WDTC1: variants seen among roughly 807,000 people sequenced by gnomAD.
The protein encoded by WDTC1 is WD and tetratricopeptide repeats protein 1.
A neutral mutation model predicts 76.0 loss-of-function variants in WDTC1; 12 were observed. The observed-to-expected ratio is 0.16, with a 90% CI of 0.10 to 0.26. The LOEUF is 0.26. WDTC1 is among the 10% of genes least tolerant of loss of function. The probability of loss-of-function intolerance (pLI) is 1.00; values close to 1 mark genes in which losing one functional copy is unlikely to be tolerated. For synonymous variants in WDTC1, 326 were observed against 350.8 expected (o/e 0.93, Z 0.79); for missense variants, 511 against 908.8 (o/e 0.56, Z 5.63).
chr1:27,289,822 A>G (rs2013479980), intron 6 of WDTC1, among the ~76,000 whole-genome samples: 1 of 152,120 alleles, frequency 6.6e-6, no homozygotes, highest in Non-Finnish European at 1.5e-5. Context: ...GTCTCCACCA[A>G]AAAAATACGA....
At chr1:27,300,855 G>A (rs1290608037) in intron 12 of WDTC1, among the ~76,000 whole-genome samples, 1 of 152,200 alleles carries the variant, frequency 6.6e-6, no homozygotes, top group Admixed American at 6.5e-5. Context: ...TTGAGAAGGT[G>A]GATGGGGGAA....
intron 5 of WDTC1, among the ~76,000 whole-genome samples, 182 bp downstream of exon 5, chr1:27,283,631 C>T (rs1008193816): frequency 6.6e-6 from 1 of 152,162 alleles, no homozygotes; most frequent in African/African-American, 2.4e-5. Flanking sequence ...TGTTCTTCTT[C>T]CTCTTTTAGA....
chr1:27,300,174 C>T (rs1004182269), intron 12 of WDTC1, among the ~76,000 whole-genome samples: 4 of 152,174 alleles, frequency 2.6e-5, no homozygotes, highest in Non-Finnish European at 4.4e-5. Context: ...CTGAGTGCTG[C>T]AGAAGGAGGC....
intron 9 of WDTC1, among the ~76,000 whole-genome samples, chr1:27,296,118 C>A (rs2147984060): frequency 6.6e-6 from 1 of 152,246 alleles, no homozygotes; most frequent in African/African-American, 2.4e-5. Flanking sequence ...TTGGGTAGAT[C>A]AGATAGCCCA....
chr1:27,245,104 C>T (rs1044388170), intron 1 of WDTC1, among the ~76,000 whole-genome samples: 14 of 151,808 alleles, frequency 9.2e-5, no homozygotes, highest in South Asian at 6.2e-4. Context: ...CAGTCCAGTG[C>T]TTCTTCCTCA....
At position 27,262,984 on chromosome 1, in the gene WDTC1, A is replaced by G. The variant is rs141450993; in HGVS notation, c.49-168A>G. Among the ~76,000 whole-genome samples the G allele has an allele frequency of 1.1e-4, 16 of 152,094 alleles. 1 individual carries two copies. In the East Asian group the frequency reaches 2.5e-3, roughly 24 times the overall value. ...GCTTAATTATATACTACTGTCTTCT[A>G]TTCTTCTCTAATCCTTGCCCCAGAA... On this transcript the variant is annotated intron_variant, in intron 2 of 15. Coordinates refer to ENST00000319394, the MANE Select transcript of WDTC1 (RefSeq NM_001276252.2).
chr1:27,297,863 G>A (rs1199816736), intron 11 of WDTC1, 75 bp from the exon 12 acceptor site: 8 of 1,467,822 alleles, frequency 5.5e-6, no homozygotes, highest in Non-Finnish European at 7.3e-6. Flanking sequence ...TGGCCCTCAG[G>A]CCATGTTACA....
At position 27,283,393 on chromosome 1, in the gene WDTC1, C is replaced by A. The variant is rs757868207; in HGVS notation, c.235C>A (p.His79Asn). The A allele has an allele frequency of 6.2e-7, 1 of 1,613,756 alleles. No individual in the cohort carries two copies. The highest frequency in any genetic ancestry group is 8.5e-7 in the Non-Finnish European group (1 of 1,180,032). The change falls in exon 5 of 16, where the codon CAC becomes AAC. Residue 79 changes from histidine to asparagine, a missense_variant. His to Asn is a moderately conservative substitution (Grantham distance 68). Coordinates refer to ENST00000319394, the MANE Select transcript of WDTC1 (RefSeq NM_001276252.2). ...QHTIVWDPLH[H>N]KKLLSMHTGH... ...CACGATTGTGTGGGACCCGCTGCAC[C>A]ACAAGAAGCTGCTCTCCATGCACAC...
intron 12 of WDTC1, 48 bp downstream of exon 12, chr1:27,298,159 C>T (rs1186932515): frequency 6.6e-7 from 1 of 1,507,638 alleles, no homozygotes; most frequent in Non-Finnish European, 8.9e-7. Context: ...AGGGAGAAAG[C>T]AGCTGGACCA....
intron 3 of WDTC1, among the ~76,000 whole-genome samples, chr1:27,279,272 G>C (rs541482714): frequency 3.9e-5 from 6 of 151,996 alleles, no homozygotes; most frequent in Non-Finnish European, 7.4e-5. Context: ...AGTGGCTCAC[G>C]CATGTAATCC....
At chr1:27,238,727 ATC>A in intron 1 of WDTC1, among the ~76,000 whole-genome samples, 1 of 152,054 alleles carries the variant, frequency 6.6e-6, no homozygotes, top group East Asian at 1.9e-4. Flanking sequence ...CACCACGCCC[ATC>A]TAATTTTTGT....
At chr1:27,256,915 G>T (rs948700752) in intron 1 of WDTC1, among the ~76,000 whole-genome samples, 1 of 152,084 alleles carries the variant, frequency 6.6e-6, no homozygotes, top group African/African-American at 2.4e-5. Flanking sequence ...AGGCTGGAGC[G>T]CAGTAGCACG....
At chr1:27,263,304 T>C in intron 3 of WDTC1, 69 bp downstream of exon 3, 2 of 1,515,982 alleles carry the variant, frequency 1.3e-6, no homozygotes, top group Non-Finnish European at 9.0e-7. Context: ...AGAAATCCTC[T>C]TGGCCTTATC....
chr1:27,273,185 G>C (rs1183565145), intron 3 of WDTC1, among the ~76,000 whole-genome samples: 1 of 147,634 alleles, frequency 6.8e-6, no homozygotes, highest in African/African-American at 2.5e-5. Flanking sequence ...AACAGAAAAT[G>C]ACTAATTTTC....
intron 1 of WDTC1, among the ~76,000 whole-genome samples, chr1:27,248,140 C>CT (rs1373146856): frequency 6.6e-6 from 1 of 152,158 alleles, no homozygotes; most frequent in Non-Finnish European, 1.5e-5. Flanking sequence ...TATGGTGAAA[C>CT]TATTTATATT....
rs750805568 is a variant in WDTC1, at chr1:27,287,811, G to C, written c.429G>C (p.Ala143=). The C allele has an allele frequency of 6.2e-7, 1 of 1,613,736 alleles. No homozygotes were observed. Among genetic ancestry groups the C allele is most frequent in the African/African-American group, 1.3e-5 (1 of 74,898 alleles). Residue 143 remains alanine (A), a synonymous_variant, in exon 6 of 16, where the codon GCG becomes GCC. Coordinates refer to ENST00000319394, the MANE Select transcript of WDTC1 (RefSeq NM_001276252.2). ...HTNRVKRIAT[A]PMWPNTFWSA... is the part of the protein sequence containing the mutation. ...ACCGGGTGAAGCGCATCGCCACAGC[G>C]CCCATGTGGCCCAACACATTCTGGA...
At chr1:27,295,966 A>T (rs1448163301) in intron 9 of WDTC1, among the ~76,000 whole-genome samples, 1 of 151,964 alleles carries the variant, frequency 6.6e-6, no homozygotes, top group Non-Finnish European at 1.5e-5. Flanking sequence ...GGGTTTTGCC[A>T]TGTTGCCCAA....
intron 1 of WDTC1, among the ~76,000 whole-genome samples, chr1:27,236,153 C>T (rs61789291): frequency 6.6e-5 from 10 of 152,248 alleles, no homozygotes; most frequent in Non-Finnish European, 1.2e-4. Context: ...AATGCTATTT[C>T]TGTCTTGAGT....
intron 1 of WDTC1, chr1:27,255,404 A>G (rs1045705467): frequency 6.6e-6 from 1 of 152,132 alleles, no homozygotes; most frequent in Non-Finnish European, 1.5e-5. Flanking sequence ...GTCTATGAAT[A>G]TGTTTCCTCA....
Sources: gnomAD v4.1 joint callset for allele counts (sites outside exome capture counted in the v4.1 genomes callset) on GRCh38, gnomAD v4.1.1 for gene constraint, MANE v1.5 for transcripts, NCBI Gene and HGNC (gene_info 2026-07-23, HGNC 2026-07-21) for gene names.